Variants in POPDC1 observed in about 807,000 individuals in gnomAD.
POPDC1 encodes popeye domain-containing protein 1.
chr6:105,125,633 C>T, the POPDC1 span: 1 of 1,534,646 alleles, frequency 6.5e-7, no homozygotes, highest in Non-Finnish European at 9.0e-7. Context: ...TCCCAAAACA[C>T]TGACTTCTGT....
chr6:105,101,077 TTC>T, the POPDC1 span: 1 of 1,600,226 alleles, frequency 6.2e-7, no homozygotes, highest in Non-Finnish European at 8.5e-7. Flanking sequence ...GTAACCTGAA[TTC>T]TCTCTCTGAT....
At chr6:105,104,463 G>GA in the POPDC1 span, among the ~76,000 whole-genome samples, 71 of 152,230 alleles carry the variant, frequency 4.7e-4, no homozygotes, top group Admixed American at 1.8e-3. Flanking sequence ...ACACAGTGAT[G>GA]AAAAAATCCC....
the POPDC1 span, among the ~76,000 whole-genome samples, chr6:105,109,763 C>CAAAAAAAAAAAAAA: frequency 0.012 from 266 of 22,810 alleles, 31 homozygotes; most frequent in African/African-American, 0.024. Flanking sequence ...GACCCTTTCT[C>CAAAAAAAAAAAAAA]AAAAAAAAAA....
the POPDC1 span, chr6:105,099,428 C>A: frequency 6.6e-6 from 1 of 152,180 alleles, no homozygotes; most frequent in Non-Finnish European, 1.5e-5. Context: ...TCATTTGGAA[C>A]TTTTCTTAGC....
the POPDC1 span, chr6:105,116,685 C>A: frequency 1.3e-6 from 2 of 1,551,130 alleles, no homozygotes; most frequent in South Asian, 2.5e-5. Context: ...ACAAAATAAA[C>A]TCAGAGAACA....
chr6:105,101,313 A>G, the POPDC1 span: 32 of 1,290,578 alleles, frequency 2.5e-5, no homozygotes, highest in African/African-American at 4.7e-4. Flanking sequence ...ATAAAACTGT[A>G]GGAATCTATC....
the POPDC1 span, chr6:105,125,460 T>C: frequency 2.5e-5 from 40 of 1,614,060 alleles, no homozygotes; most frequent in Non-Finnish European, 3.4e-5. Flanking sequence ...AGTTTGGCCC[T>C]TTTTCAAGGT....
At chr6:105,131,453 T>C in the POPDC1 span, among the ~76,000 whole-genome samples, 1 of 152,188 alleles carries the variant, frequency 6.6e-6, no homozygotes, top group African/African-American at 2.4e-5. Context: ...TTTTTCTTTT[T>C]TGAGACAGGG....
chr6:105,131,377 A>T, the POPDC1 span, among the ~76,000 whole-genome samples: 1 of 152,052 alleles, frequency 6.6e-6, no homozygotes. Context: ...TGGTTTGGCC[A>T]TTTTTTCTCC....
the POPDC1 span, chr6:105,101,209 C>T: frequency 1.2e-6 from 2 of 1,609,056 alleles, no homozygotes; most frequent in South Asian, 2.2e-5. Context: ...GTGGGGATGA[C>T]ACATCTGTGG....
the POPDC1 span, among the ~76,000 whole-genome samples, chr6:105,120,967 T>C: frequency 6.6e-6 from 1 of 152,220 alleles, no homozygotes; most frequent in Non-Finnish European, 1.5e-5. Context: ...CAGAGGAAAT[T>C]GTTTCACAGC....
chr6:105,099,229 G>A, the POPDC1 span: 1 of 152,202 alleles, frequency 6.6e-6, no homozygotes. Context: ...TTCAGAGTCT[G>A]TGTAAATTTT....
At chr6:105,134,561 T>C in the POPDC1 span, among the ~76,000 whole-genome samples, 1 of 152,170 alleles carries the variant, frequency 6.6e-6, no homozygotes, top group Non-Finnish European at 1.5e-5. Flanking sequence ...AATATGTATT[T>C]CTTTCAAAAT....
At chr6:105,111,603 G>T in the POPDC1 span, among the ~76,000 whole-genome samples, 1 of 152,160 alleles carries the variant, frequency 6.6e-6, no homozygotes, top group African/African-American at 2.4e-5. Flanking sequence ...ACTGAATTAT[G>T]AACTACTGAA....
chr6:105,129,627 C>A, the POPDC1 span: 1 of 937,524 alleles, frequency 1.1e-6, no homozygotes, highest in Non-Finnish European at 1.5e-6. Flanking sequence ...CTTTGCAAGA[C>A]CCCCAGTGAA....
the POPDC1 span, among the ~76,000 whole-genome samples, chr6:105,114,849 C>T: frequency 1.3e-5 from 2 of 152,228 alleles, no homozygotes; most frequent in African/African-American, 2.4e-5. Context: ...TGATCTCCTT[C>T]ATCTTTGGGA....
chr6:105,121,458 AG>A, the POPDC1 span, among the ~76,000 whole-genome samples: 1 of 151,956 alleles, frequency 6.6e-6, no homozygotes, highest in Non-Finnish European at 1.5e-5. Flanking sequence ...AGTGGACACC[AG>A]GTTTCACCAT....
At chr6:105,114,615 C>T in the POPDC1 span, among the ~76,000 whole-genome samples, 1 of 152,142 alleles carries the variant, frequency 6.6e-6, no homozygotes, top group Non-Finnish European at 1.5e-5. Flanking sequence ...TGCCTTTTTG[C>T]TATTTCATAT....
the POPDC1 span, chr6:105,124,446 TC>T: frequency 6.4e-6 from 5 of 776,000 alleles, no homozygotes; most frequent in African/African-American, 1.8e-5. Context: ...AACTTGTTTT[TC>T]CCCCCAATAA....
Sources: gnomAD v4.1 joint callset for allele counts (sites outside exome capture counted in the v4.1 genomes callset) on GRCh38, gnomAD v4.1.1 for gene constraint, MANE v1.5 for transcripts, NCBI Gene and HGNC (gene_info 2026-07-23, HGNC 2026-07-21) for gene names.